The following ELF2 variants were observed in gnomAD, a reference collection of about 807,000 sequenced individuals.
The protein encoded by ELF2 is E74 like ETS transcription factor 2.
A neutral mutation model predicts 54.8 loss-of-function variants in ELF2; 11 were observed. The ratio of observed to expected loss-of-function variants is 0.20; its 90% CI spans 0.13 to 0.33. The LOEUF (loss-of-function observed/expected upper bound fraction) is 0.33. Among genes scored for constraint, ELF2 ranks in the 10% least tolerant of loss-of-function variants. The pLI is 1.00. For synonymous variants in ELF2, 203 were observed against 245.1 expected, an observed-to-expected ratio of 0.83 and a Z score of 1.61; for missense variants, 513 against 703.0, an observed-to-expected ratio of 0.73 and a Z score of 3.06.
intron 1 of ELF2, among the ~76,000 whole-genome samples, chr4:139,172,144 T>C (rs1282974505): frequency 6.6e-6 from 1 of 152,080 alleles, no homozygotes; most frequent in Admixed American, 6.6e-5. Flanking sequence ...AAACCATATG[T>C]CCACATAAAG....
At chr4:139,086,951 T>C (rs1732046061) in intron 4 of ELF2, among the ~76,000 whole-genome samples, 1 of 152,230 alleles carries the variant, frequency 6.6e-6, no homozygotes, top group Non-Finnish European at 1.5e-5. Context: ...AGATTCCTTT[T>C]AGGAGTTAGG....
chr4:139,067,631 C>T, intron 7 of ELF2, 53 bp downstream of exon 7: 17 of 1,567,664 alleles, frequency 1.1e-5, no homozygotes, highest in Non-Finnish European at 1.5e-5. Context: ...ACAAAAATGT[C>T]ACCTAACTGA....
At chr4:139,103,633 C>T (rs1413197489) in intron 4 of ELF2, among the ~76,000 whole-genome samples, 1 of 152,218 alleles carries the variant, frequency 6.6e-6, no homozygotes, top group Non-Finnish European at 1.5e-5. Flanking sequence ...CATCTGTATC[C>T]TTTAAATATC....
chr4:139,060,754 C>T, intron 8 of ELF2, 80 bp from the exon 9 acceptor site: 1 of 1,153,790 alleles, frequency 8.7e-7, no homozygotes, highest in Non-Finnish European at 1.2e-6. Flanking sequence ...AGACCACATA[C>T]AGTGGATACT....
chr4:139,091,650 T>C (rs923112868), intron 4 of ELF2, among the ~76,000 whole-genome samples: 7 of 152,016 alleles, frequency 4.6e-5, no homozygotes, highest in African/African-American at 1.7e-4. Flanking sequence ...CACCCGGCTA[T>C]TTTTTATTTT....
chr4:139,097,884 A>G (rs895944585), intron 4 of ELF2, among the ~76,000 whole-genome samples: 3 of 152,038 alleles, frequency 2.0e-5, no homozygotes, highest in African/African-American at 4.8e-5. Flanking sequence ...TGCCCAGCTA[A>G]TTTATTTTTT....
At chr4:139,095,106 G>T (rs1475843738) in intron 4 of ELF2, among the ~76,000 whole-genome samples, 1 of 151,582 alleles carries the variant, frequency 6.6e-6, no homozygotes, top group Non-Finnish European at 1.5e-5. Context: ...GCATTGGCTA[G>T]GACCTCCAAT....
At chr4:139,078,180 C>T (rs1730585487) in intron 4 of ELF2, among the ~76,000 whole-genome samples, 2 of 152,158 alleles carry the variant, frequency 1.3e-5, no homozygotes, top group South Asian at 4.1e-4. Context: ...AGAGGCATAC[C>T]TCTCAGCTTT....
At position 139,059,518 on chromosome 4, in the gene ELF2, C is replaced by T. The variant is rs1260039654; in HGVS notation, c.1247G>A (p.Gly416Asp). 6 of 1,613,832 alleles carry T rather than the reference C, an allele frequency of 3.7e-6. No homozygotes were observed. Among genetic ancestry groups the T allele is most frequent in the Non-Finnish European group, 5.1e-6 (6 of 1,179,838 alleles). Reference protein sequence around the residue: ...STVAVQSVNAGAPLITSTSPT... With the variant: ...STVAVQSVNADAPLITSTSPT... ...ACTAGTGCTGGTTATTAATGGTGCA[C>T]CTGCATTAACTGACTGAACTGCCAC... is the stretch of plus-strand genomic sequence containing the variant. Residue 416 changes from glycine (G) to aspartate (D), a missense_variant, in exon 10 of 10, where the codon GGT (glycine) becomes GAT (aspartate). Coordinates refer to ENST00000686138, the MANE Select transcript of ELF2 (RefSeq NM_001331036.3).
At chr4:139,107,369 A>G (rs1054652955) in intron 4 of ELF2, among the ~76,000 whole-genome samples, 2 of 152,220 alleles carry the variant, frequency 1.3e-5, no homozygotes, top group African/African-American at 4.8e-5. Flanking sequence ...TCCTTGAAAC[A>G]TATTTGTGTT....
intron 1 of ELF2, among the ~76,000 whole-genome samples, chr4:139,159,913 G>C (rs1292644934): frequency 6.6e-6 from 1 of 152,226 alleles, no homozygotes; most frequent in Non-Finnish European, 1.5e-5. Context: ...TTTAGAGTCA[G>C]TATAAATATT....
rs1172230163 is a variant in ELF2 at position 139,107,491 on chromosome 4, CA to C, written c.238+17672del. Reference sequence around the variant, plus strand: ...ATGTATCAAAATATCATACGTACCCCAAAATATGTACGATTATAAACCAATT... The same window carrying C: ...ATGTATCAAAATATCATACGTACCCCAAATATGTACGATTATAAACCAATT... On this transcript the variant is annotated intron_variant, in intron 4 of 9. Transcript: ENST00000686138. Among the ~76,000 whole-genome samples the C allele has an allele frequency of 5.3e-5, 8 of 152,222 alleles. No individual in the cohort carries two copies. In the East Asian group the frequency reaches 1.5e-3, roughly 29 times the overall value.
chr4:139,060,282 T>A (rs377690563), intron 9 of ELF2, 42 bp downstream of exon 9: 18 of 1,481,042 alleles, frequency 1.2e-5, no homozygotes, highest in South Asian at 6.9e-5. Context: ...GAGACTTTTT[T>A]AAAAAGTAAA....
At chr4:139,075,107 A>G (rs531434966) in intron 4 of ELF2, among the ~76,000 whole-genome samples, 1 of 152,218 alleles carries the variant, frequency 6.6e-6, no homozygotes, top group Non-Finnish European at 1.5e-5. Context: ...TCTTCCCATG[A>G]GGCCTTCAAA....
At chr4:139,149,597 G>C (rs936559222) in intron 1 of ELF2, among the ~76,000 whole-genome samples, 1 of 152,086 alleles carries the variant, frequency 6.6e-6, no homozygotes, top group Non-Finnish European at 1.5e-5. Flanking sequence ...CTGGGCGACA[G>C]AGCAAGACTC....
chr4:139,063,132 C>G (rs920485440), intron 7 of ELF2, among the ~76,000 whole-genome samples: 1 of 152,038 alleles, frequency 6.6e-6, no homozygotes, highest in Admixed American at 6.6e-5. Context: ...GTGGCGTGCA[C>G]CTGTAATCCC....
At chr4:139,173,460 T>TA (rs1032454386) in intron 1 of ELF2, among the ~76,000 whole-genome samples, 17 of 151,624 alleles carry the variant, frequency 1.1e-4, no homozygotes, top group African/African-American at 4.1e-4. Context: ...TACTCATCAA[T>TA]AAAAAAAATG....
intron 1 of ELF2, among the ~76,000 whole-genome samples, chr4:139,171,080 G>GA (rs1183223174): frequency 2.0e-5 from 3 of 152,016 alleles, no homozygotes; most frequent in African/African-American, 7.2e-5. Context: ...CAAAAGATCT[G>GA]AATAGTGATG....
chr4:139,158,546 G>T (rs189837039), intron 1 of ELF2, among the ~76,000 whole-genome samples: 157 of 152,188 alleles, frequency 1.0e-3, no homozygotes, highest in African/African-American at 2.7e-3. Context: ...AGATTAAGCT[G>T]AAAGAAGATT....
Sources: allele counts gnomAD v4.1 joint callset (sites outside exome capture counted in the v4.1 genomes callset), GRCh38; gene constraint gnomAD v4.1.1; transcripts MANE v1.5; gene names NCBI Gene and HGNC (gene_info 2026-07-23, HGNC 2026-07-21).